The following EXOC3L1 variants were observed in gnomAD, a reference collection of about 807,000 sequenced individuals.
EXOC3L1 encodes exocyst complex component 3 like 1.
A neutral mutation model predicts 83.6 loss-of-function variants in EXOC3L1; 79 were observed. The observed-to-expected ratio is 0.95, with a 90% CI of 0.79 to 1.14. The LOEUF is 1.14. Ranked by LOEUF, EXOC3L1 falls within the 50% of genes most tolerant of loss-of-function variation. EXOC3L1 has a pLI of 0.00. For synonymous variants in EXOC3L1, 433 were observed against 451.2 expected, an observed-to-expected ratio of 0.96 and a Z score of 0.51; for missense variants, 945 against 972.0, an observed-to-expected ratio of 0.97 and a Z score of 0.37.
rs774551097 is a variant in EXOC3L1 at position 67,189,188 on chromosome 16, G to A, written c.47-8C>T. 1.4e-5 allele frequency: 22 copies of A among 1,589,824 alleles called. No homozygotes were observed. Among genetic ancestry groups the A allele is most frequent in the Non-Finnish European group, 1.8e-5 (21 of 1,168,814 alleles). ...GCTCTGGCCACTCAGGTCCTGGGAA[G>A]GAAGAGCCTGGGCAGCCGTGTAGTC... On this transcript the variant is annotated splice_region_variant and splice_polypyrimidine_tract_variant and intron_variant, in intron 2 of 13. Coordinates refer to ENST00000314586, the MANE Select transcript of EXOC3L1 (RefSeq NM_178516.4).
chr16:67,186,935 T>C (rs986148190), intron 6 of EXOC3L1, 51 bp from the exon 7 acceptor site: 11 of 1,612,742 alleles, frequency 6.8e-6, no homozygotes, highest in Non-Finnish European at 9.3e-6. Context: ...CTGACCCTGC[T>C]GGAGATGGGT....
chr16:67,184,997 C>G lies in EXOC3L1; in HGVS notation c.1810G>C (p.Gly604Arg). The G allele has an allele frequency of 6.2e-7, 1 of 1,609,918 alleles. No individual in the cohort carries two copies. Among genetic ancestry groups the G allele is most frequent in the Non-Finnish European group, 8.5e-7 (1 of 1,178,662 alleles). The part of the protein sequence containing the change: ...VLQYLSALMQ[G>R]RLVCRGADER... ...TCGGCTCCGCGGCACACCAGGCGGC[C>G]TTGCATCAGCGCGCTCAGGTACTGG... Residue 604 changes from glycine (G) to arginine (R), a missense_variant, in exon 12 of 14, where the codon GGC becomes CGC. Transcript: ENST00000314586.
In EXOC3L1 at chr16:67,185,305, G is replaced by A. The variant is rs377203048; in HGVS notation, c.1627-47C>T. The A allele has an allele frequency of 7.3e-5, 117 of 1,613,122 alleles. No homozygotes were observed. In the African/African-American group the frequency reaches 1.5e-3, roughly 20 times the overall value. On this transcript the variant is annotated intron_variant, in intron 10 of 13. Coordinates refer to ENST00000314586, the MANE Select transcript of EXOC3L1 (RefSeq NM_178516.4). ...GGCATTGCCGCGGAGACCCCCATAC[G>A]TAGCTGTACCGCCACCTCTCCACCT...
chr16:67,184,437 A>G lies in EXOC3L1; in HGVS notation c.2198T>C (p.Leu733Pro). The G allele has an allele frequency of 6.5e-7, 1 of 1,530,496 alleles. No individual in the cohort carries two copies. Among genetic ancestry groups the G allele is most frequent in the South Asian group, 1.2e-5 (1 of 83,734 alleles). The allele number at this position is 1,530,496 out of a possible 1,614,324, so 94.8% of individuals were successfully genotyped here. Residue 733 changes from leucine to proline, a missense_variant, in exon 14 of 14, where the codon CTG becomes CCG. Leu to Pro is a moderately conservative substitution (Grantham distance 98). Coordinates refer to ENST00000314586, the MANE Select transcript of EXOC3L1 (RefSeq NM_178516.4). Reference sequence around the variant, plus strand: ...GGCTCGGGCGCAGGACCCCGAGGGCAGGCAGGAGGCCGGCGCGAGCGCGGG... The same window carrying G: ...GGCTCGGGCGCAGGACCCCGAGGGCGGGCAGGAGGCCGGCGCGAGCGCGGG... ...PAPALAPASC[L>P]PSGSCARALL...
At position 67,184,848 on chromosome 16, in the gene EXOC3L1, C is replaced by A. The variant is rs763361020; in HGVS notation, c.1906-38G>T. The A allele has an allele frequency of 3.1e-6, 5 of 1,608,092 alleles. No homozygotes were observed. The South Asian group carries it at 5.5e-5, about 18-fold the overall frequency. The stretch of plus-strand genomic sequence containing the variant: ...GGGTAGGGTCTCGCGCCAGCCCTCT[C>A]TCCCACCCAGCCACTGAGACTCTCG... On this transcript the variant is annotated intron_variant, in intron 12 of 13. Transcript: ENST00000314586.
chr16:67,189,483 G>C, intron 2 of EXOC3L1, 148 bp downstream of exon 2: 4 of 908,650 alleles, frequency 4.4e-6, no homozygotes, highest in Non-Finnish European at 6.8e-6. Flanking sequence ...CACTATGTTG[G>C]CCAGGTTGGT....
At position 67,187,222 on chromosome 16, in the gene EXOC3L1, G is replaced by A. The variant is rs1186033060; in HGVS notation, c.1040+3C>T. The A allele has an allele frequency of 1.2e-6, 2 of 1,609,394 alleles. No homozygotes were observed. The highest frequency in any genetic ancestry group is 1.7e-6 in the Non-Finnish European group (2 of 1,177,026). ...CATGTCCCGCTGCCCCAAAGGCACT[G>A]ACCCCAGGTACACATGCAGTGCCCA... On this transcript the variant is annotated splice_donor_region_variant and intron_variant, in intron 5 of 13. Coordinates refer to ENST00000314586, the MANE Select transcript of EXOC3L1 (RefSeq NM_178516.4).
Position 67,187,856 on chromosome 16 carries a change from A to T in EXOC3L1, c.428-19T>A, listed in dbSNP as rs1236193258. The T allele has an allele frequency of 6.4e-7, 1 of 1,557,288 alleles. No homozygotes were observed. The highest frequency in any genetic ancestry group is 1.8e-5 in the Admixed American group (1 of 54,272). ...GCCGGCACTAATGAGAGTGAAAAGG[A>T]GACGGCCCTGGGTCTCAGCCTTCCC... On this transcript the variant is annotated intron_variant, in intron 4 of 13. Transcript: ENST00000314586.
rs771242731 is a variant in EXOC3L1, at chr16:67,189,073, G to C, written c.154C>G (p.Gln52Glu). ...CGCTGCACCTCGCGGCTGCGGTACT[G>C]GCCTAGCCTGGCCAGCTGCTCCGGC... ...YRPEQLARLG[Q>E]YRSREVQRTC... Residue 52 changes from glutamine (Q) to glutamate (E), a missense_variant, in exon 3 of 14, where the codon CAG (glutamine) becomes GAG (glutamate). Coordinates refer to ENST00000314586, the MANE Select transcript of EXOC3L1 (RefSeq NM_178516.4). The C allele has an allele frequency of 1.2e-6, 2 of 1,607,818 alleles. No homozygotes were observed. Among genetic ancestry groups the C allele is most frequent in the Non-Finnish European group, 1.7e-6 (2 of 1,178,568 alleles).
intron 9 of EXOC3L1, 21 bp downstream of exon 9, chr16:67,186,216 T>A (rs996571151): frequency 6.5e-7 from 1 of 1,526,870 alleles, no homozygotes; most frequent in African/African-American, 1.4e-5. Flanking sequence ...AAGGTGGGGT[T>A]CCCTGGGGGC....
intron 8 of EXOC3L1, 45 bp from the exon 9 acceptor site, chr16:67,186,392 A>G: frequency 6.8e-7 from 1 of 1,475,722 alleles, no homozygotes; most frequent in Middle Eastern, 1.7e-4. Flanking sequence ...CTATGCTGGC[A>G]TCCCCACAGC....
At position 67,189,961 on chromosome 16, in the gene EXOC3L1, C is replaced by A; in HGVS notation, c.-8+10G>T. ...CTGAGCTGCACAGGACAGTTTGGTA[C>A]AGAACTTACCAGATTTGATCAGGCG... On this transcript the variant is annotated intron_variant, in intron 1 of 13. Transcript: ENST00000314586. 2.2e-6 allele frequency: 1 copy of A among 453,184 alleles called. No individual in the cohort carries two copies. The highest frequency in any genetic ancestry group is 4.0e-6 in the Non-Finnish European group (1 of 250,842). The allele number at this position is 453,184 out of a possible 1,614,324, so 28.1% of individuals were successfully genotyped here. A position where few individuals can be genotyped will look rare whatever the true frequency, so the allele number is the denominator to read the frequency against.
chr16:67,185,630 C>T (rs2032685479), intron 9 of EXOC3L1, 140 bp from the exon 10 acceptor site: 2 of 766,424 alleles, frequency 2.6e-6, no homozygotes, highest in Admixed American at 2.5e-5. Context: ...CACTTCTGGT[C>T]CCAGGCATGG....
intron 4 of EXOC3L1, 83 bp downstream of exon 4, chr16:67,188,638 C>G: frequency 7.4e-7 from 1 of 1,346,280 alleles, no homozygotes. Context: ...AGTTCCCCAT[C>G]TAGTGCCCCA....
chr16:67,184,822 G>T lies in EXOC3L1; in HGVS notation c.1906-12C>A, dbSNP rs1472115197. On this transcript the variant is annotated splice_polypyrimidine_tract_variant and intron_variant, in intron 12 of 13. Transcript: ENST00000314586. ...TTCTCCTCCAGGCCCTGAGCACGTCGGGGTAGGGTCTCGCGCCAGCCCTCT... is the reference window on the plus strand; with the variant it reads ...TTCTCCTCCAGGCCCTGAGCACGTCTGGGTAGGGTCTCGCGCCAGCCCTCT... 6.2e-7 allele frequency: 1 copy of T among 1,604,484 alleles called. No homozygotes were observed. The highest frequency in any genetic ancestry group is 8.5e-7 in the Non-Finnish European group (1 of 1,179,668).
intron 9 of EXOC3L1, 34 bp downstream of exon 9, chr16:67,186,203 G>C: frequency 2.1e-6 from 3 of 1,431,738 alleles, no homozygotes; most frequent in African/African-American, 1.4e-5. Flanking sequence ...TAGGGGGTTA[G>C]TGAAGGTGGG....
rs947779710 is a variant in EXOC3L1, at chr16:67,185,205, C to T, written c.1680G>A (p.Leu560=). 17 of 1,613,332 alleles carry T rather than the reference C, an allele frequency of 1.1e-5. No individual in the cohort carries two copies. The highest frequency in any genetic ancestry group is 1.4e-5 in the Non-Finnish European group (16 of 1,180,030). ...GCCCCGTCCGTTCACACACACTTTG[C>T]AGGAGCTCAGGGCTCGACAGCCATT... ...SRQWLSSPEL[L]QSVCERTGRF... Residue 560 remains leucine (L), a synonymous_variant, in exon 11 of 14, where the codon CTG becomes CTA. Transcript: ENST00000314586.
chr16:67,184,736 C>T lies in EXOC3L1; in HGVS notation c.1980G>A (p.Ala660=), dbSNP rs1454185995. Residue 660 remains alanine, a synonymous_variant, in exon 13 of 14, where the codon GCG becomes GCA. Coordinates refer to ENST00000314586, the MANE Select transcript of EXOC3L1 (RefSeq NM_178516.4). The part of the protein sequence containing the change: ...LRELLNLRDP[A]LLGLEVAGLR... ...GGCCAGCCACCTCCAGGCCCAGCAG[C>T]GCGGGGTCGCGGAGGTTTAGCAGCT... is the stretch of plus-strand genomic sequence containing the variant. The T allele has an allele frequency of 1.3e-6, 2 of 1,585,730 alleles. No homozygotes were observed. The highest frequency in any genetic ancestry group is 1.7e-6 in the Non-Finnish European group (2 of 1,170,010).
Position 67,187,442 on chromosome 16 carries a change from A to G in EXOC3L1, c.823T>C (p.Trp275Arg). 6.2e-7 allele frequency: 1 copy of G among 1,609,898 alleles called. No homozygotes were observed. Among genetic ancestry groups the G allele is most frequent in the Non-Finnish European group, 8.5e-7 (1 of 1,179,694 alleles). ...LLPAPGALPG[W>R]LEALRVALPV... ...AGGGCCACTCGCAGAGCCTCCAGCC[A>G]CCCTGGTAGGGCCCCTGGTGCAGGC... The change falls in exon 5 of 14, where the codon TGG becomes CGG. Residue 275 changes from tryptophan to arginine, a missense_variant. By Grantham distance (101) the Trp-to-Arg change is moderately radical. Transcript: ENST00000314586.
Sources: gnomAD v4.1 joint callset for allele counts on GRCh38, gnomAD v4.1.1 for gene constraint, MANE v1.5 for transcripts, NCBI Gene and HGNC (gene_info 2026-07-23, HGNC 2026-07-21) for gene names.